The following DSCAM variants were observed in gnomAD, a reference collection of about 807,000 sequenced individuals.
DSCAM encodes the protein cell adhesion molecule DSCAM.
In DSCAM, 47 loss-of-function variants were observed where a neutral mutation model predicts 217.7. That is an observed-to-expected ratio of 0.22 (90% CI 0.17 to 0.28). The LOEUF is 0.28. Ranked by LOEUF, DSCAM falls within the 10% of genes least tolerant of loss-of-function variation. DSCAM has a pLI of 1.00. For synonymous variants in DSCAM, 1,056 were observed against 1,015.3 expected, an observed-to-expected ratio of 1.04 and a Z score of -0.76; for missense variants, 2,080 against 2,618.3, an observed-to-expected ratio of 0.79 and a Z score of 4.49.
chr21:40,536,935 C>A (rs564756142), intron 3 of DSCAM, among the ~76,000 whole-genome samples: 4 of 152,214 alleles, frequency 2.6e-5, no homozygotes, highest in African/African-American at 7.2e-5. Context: ...ATCCCCAGAA[C>A]AGGACTGCCT....
rs34282023 is a variant in DSCAM, at chr21:40,492,544, A to AT, written c.509-123300dup. On this transcript the variant is annotated intron_variant, in intron 3 of 32. Transcript: ENST00000400454. Reference sequence around the variant, plus strand: ...TTAGAAATTTAGCAGTGAGATTGACATTTTTTTTTAAAAGCAAATTCTGGA... The same window carrying AT: ...TTAGAAATTTAGCAGTGAGATTGACATTTTTTTTTTAAAAGCAAATTCTGGA... 1.0e-2 allele frequency among the ~76,000 whole-genome samples: 1,337 copies of AT among 134,266 alleles called. 22 individuals are homozygous for AT. The highest frequency in any genetic ancestry group is 0.039 in the African/African-American group (1,263 of 32,516). 88.1% of individuals were successfully genotyped at this position (134,266 alleles called of 152,430 possible).
At chr21:40,050,346 A>G (rs1466164606) in intron 30 of DSCAM, among the ~76,000 whole-genome samples, 1 of 152,132 alleles carries the variant, frequency 6.6e-6, no homozygotes, top group Non-Finnish European at 1.5e-5. Context: ...AATCCTTTCA[A>G]TATCTGTAAC....
At chr21:40,272,104 C>T (rs1309077338) in intron 11 of DSCAM, among the ~76,000 whole-genome samples, 1 of 151,274 alleles carries the variant, frequency 6.6e-6, no homozygotes, top group East Asian at 1.9e-4. Context: ...TAAAGTCATT[C>T]CCTGGGCCTC....
intron 15 of DSCAM, among the ~76,000 whole-genome samples, chr21:40,172,625 C>T (rs543646196): frequency 1.3e-5 from 2 of 152,360 alleles, no homozygotes; most frequent in African/African-American, 4.8e-5. Context: ...ATACTCTCCT[C>T]CCTGTCTCAA....
intron 3 of DSCAM, among the ~76,000 whole-genome samples, chr21:40,374,393 G>A (rs556547668): frequency 6.6e-6 from 1 of 152,082 alleles, no homozygotes; most frequent in Non-Finnish European, 1.5e-5. Flanking sequence ...CTTATGAAAG[G>A]CAACCGCATA....
rs1248511219 is a variant in DSCAM, at chr21:40,440,160, T to C, written c.509-70915A>G. ...ATAGCATTTGGGTGATCAGCATCCA[T>C]GATGCTAGCCCTTTGAACATCTGAC... is the stretch of plus-strand genomic sequence containing the variant. On this transcript the variant is annotated intron_variant, in intron 3 of 32. Coordinates refer to ENST00000400454, the MANE Select transcript of DSCAM (RefSeq NM_001389.5). Among the ~76,000 whole-genome samples the C allele has an allele frequency of 2.0e-5, 3 of 152,254 alleles. 1 individual carries two copies. Among genetic ancestry groups the C allele is most frequent in the South Asian group, 4.1e-4 (2 of 4,828 alleles).
At chr21:40,443,129 A>G (rs1023786269) in intron 3 of DSCAM, among the ~76,000 whole-genome samples, 2 of 152,338 alleles carry the variant, frequency 1.3e-5, no homozygotes, top group South Asian at 2.1e-4. Flanking sequence ...TATTAGTGAC[A>G]GGAAGGCTAT....
intron 27 of DSCAM, among the ~76,000 whole-genome samples, chr21:40,069,284 G>T (rs1232606249): frequency 6.6e-6 from 1 of 152,130 alleles, no homozygotes; most frequent in Non-Finnish European, 1.5e-5. Context: ...TCGAGTTTTG[G>T]GAAATGGCAC....
chr21:40,608,524 G>T (rs939122654), intron 3 of DSCAM, among the ~76,000 whole-genome samples: 1 of 152,180 alleles, frequency 6.6e-6, no homozygotes, highest in African/African-American at 2.4e-5. Context: ...CTCTGGAAAA[G>T]GTTAGCTGAA....
chr21:40,507,266 G>C (rs181258912), intron 3 of DSCAM, among the ~76,000 whole-genome samples: 265 of 151,842 alleles, frequency 1.7e-3, no homozygotes, highest in African/African-American at 5.8e-3. Flanking sequence ...GGCAGAGCTA[G>C]AATACATCTC....
At chr21:40,719,749 A>T (rs2090881295) in intron 1 of DSCAM, among the ~76,000 whole-genome samples, 2 of 152,166 alleles carry the variant, frequency 1.3e-5, no homozygotes, top group Admixed American at 6.5e-5. Flanking sequence ...GGAAAAACTA[A>T]TCTATGATGT....
At chr21:40,530,892 T>A (rs112735248) in intron 3 of DSCAM, among the ~76,000 whole-genome samples, 2 of 81,294 alleles carry the variant, frequency 2.5e-5, no homozygotes, top group Admixed American at 1.3e-4. Context: ...CATCCATCCA[T>A]CCATCCATCC....
intron 8 of DSCAM, 75 bp from the exon 9 acceptor site, chr21:40,312,434 A>G: frequency 6.6e-7 from 1 of 1,521,100 alleles, no homozygotes; most frequent in Non-Finnish European, 8.9e-7. Context: ...TGTATACGGC[A>G]CTGAAAGGGT....
intron 3 of DSCAM, among the ~76,000 whole-genome samples, chr21:40,440,257 C>T (rs1309253989): frequency 1.3e-5 from 2 of 152,178 alleles, no homozygotes; most frequent in African/African-American, 4.8e-5. Context: ...AGGGTAATCA[C>T]AAATGTTAAA....
chr21:40,111,774 T>G (rs1351133831), intron 20 of DSCAM, among the ~76,000 whole-genome samples: 4 of 152,054 alleles, frequency 2.6e-5, no homozygotes, highest in Admixed American at 2.0e-4. Context: ...TCCCAGTCTC[T>G]GATAAAACAG....
chr21:40,827,165 G>A (rs960807408), intron 1 of DSCAM, among the ~76,000 whole-genome samples: 1 of 152,160 alleles, frequency 6.6e-6, no homozygotes, highest in African/African-American at 2.4e-5. Context: ...CACGGTCCAG[G>A]TGAAGGTGTT....
At chr21:40,029,646 A>T (rs1310598227) in intron 32 of DSCAM, among the ~76,000 whole-genome samples, 1 of 152,312 alleles carries the variant, frequency 6.6e-6, no homozygotes, top group South Asian at 2.1e-4. Flanking sequence ...ACCTCTGCAC[A>T]GGTCAGCACT....
intron 30 of DSCAM, among the ~76,000 whole-genome samples, chr21:40,048,931 TGTCA>T (rs1442143328): frequency 6.6e-6 from 1 of 152,100 alleles, no homozygotes; most frequent in African/African-American, 2.4e-5. Context: ...CACGGAGTGT[TGTCA>T]GTCCCTCACA....
rs183329193 is a variant in DSCAM, at chr21:40,275,269, G to A, written c.2356+828C>T. On this transcript the variant is annotated intron_variant, in intron 11 of 32. Coordinates refer to ENST00000400454, the MANE Select transcript of DSCAM (RefSeq NM_001389.5). ...CCCTTGAGCTCAGGAGTTCGAGGGT[G>A]TAGTGAGCTTTGATGGCACCACTGC... is the stretch of plus-strand genomic sequence containing the variant. Among the ~76,000 whole-genome samples the A allele has an allele frequency of 7.8e-4, 118 of 152,250 alleles. 3 individuals carry two copies. Among genetic ancestry groups the A allele is most frequent in the Admixed American group, 7.7e-3 (118 of 15,278 alleles).
Sources: gnomAD v4.1 joint callset for allele counts (sites outside exome capture counted in the v4.1 genomes callset) on GRCh38, gnomAD v4.1.1 for gene constraint, MANE v1.5 for transcripts, NCBI Gene and HGNC (gene_info 2026-07-23, HGNC 2026-07-21) for gene names.